ZBTB44: variants seen among roughly 807,000 people sequenced by gnomAD.
ZBTB44 encodes zinc finger and BTB domain-containing protein 44.
Under a neutral mutation model 54.0 loss-of-function variants are expected in ZBTB44, and 15 were observed. The ratio of observed to expected loss-of-function variants is 0.28; its 90% CI spans 0.19 to 0.43. ZBTB44 has a LOEUF of 0.43. Among genes scored for constraint, ZBTB44 ranks in the 20% least tolerant of loss-of-function variants. ZBTB44 has a pLI of 1.00. For missense variants in ZBTB44, 487 were observed against 707.1 expected (o/e 0.69, Z 3.53); for synonymous variants, 230 against 250.1 (o/e 0.92, Z 0.76).
chr11:130,301,048 C>A (rs926059907), intron 1 of ZBTB44, among the ~76,000 whole-genome samples: 3 of 151,180 alleles, frequency 2.0e-5, no homozygotes, highest in Non-Finnish European at 2.9e-5. Flanking sequence ...GGAAAAGACA[C>A]AGAAAAGAGG....
At chr11:130,265,642 C>A (rs1279388493) in intron 1 of ZBTB44, among the ~76,000 whole-genome samples, 1 of 152,202 alleles carries the variant, frequency 6.6e-6, no homozygotes, top group Admixed American at 6.5e-5. Context: ...TACTCCAGTG[C>A]ACACACAAAT....
intron 1 of ZBTB44, among the ~76,000 whole-genome samples, chr11:130,282,893 G>A (rs560767522): frequency 2.6e-5 from 4 of 152,038 alleles, no homozygotes; most frequent in African/African-American, 9.6e-5. Context: ...ACCCACATTG[G>A]TCTCCAATTC....
intron 7 of ZBTB44, 81 bp from the exon 8 acceptor site, chr11:130,231,796 T>A (rs1206015546): frequency 6.6e-6 from 1 of 152,232 alleles, no homozygotes; most frequent in Non-Finnish European, 1.5e-5. Flanking sequence ...GAGATTTATC[T>A]ATTGCTAGGC....
Position 130,283,570 on chromosome 11 carries a change from T to C in ZBTB44, c.-56-21641A>G, listed in dbSNP as rs143001190. On this transcript the variant is annotated intron_variant, in intron 1 of 7. Coordinates refer to ENST00000357899, the MANE Select transcript of ZBTB44 (RefSeq NM_001301098.2). ...CTCAATTTAAATTTATATCAAAAGA[T>C]TTTCATTTTTAATAAACACAATTAT... Among the ~76,000 whole-genome samples the C allele has an allele frequency of 1.1e-4, 17 of 152,340 alleles. No homozygotes were observed. In the East Asian group the frequency reaches 3.3e-3, roughly 29 times the overall value.
chr11:130,256,356 A>G (rs1938445182), intron 2 of ZBTB44, among the ~76,000 whole-genome samples: 1 of 152,172 alleles, frequency 6.6e-6, no homozygotes, highest in Admixed American at 6.5e-5. Context: ...CGATTATCTC[A>G]ATAGACGCAG....
At chr11:130,281,795 C>T (rs1304814444) in intron 1 of ZBTB44, among the ~76,000 whole-genome samples, 1 of 7,968 alleles carries the variant, frequency 1.3e-4, no homozygotes, top group Non-Finnish European at 3.8e-4. Context: ...GGGGTTTCGC[C>T]GGGGTTTCGC....
chr11:130,275,474 T>C (rs1939989380), intron 1 of ZBTB44, among the ~76,000 whole-genome samples: 1 of 152,066 alleles, frequency 6.6e-6, no homozygotes, highest in African/African-American at 2.4e-5. Flanking sequence ...CTACCATGCC[T>C]AACCCACTCT....
At chr11:130,254,031 C>A (rs910263989) in intron 2 of ZBTB44, among the ~76,000 whole-genome samples, 13 of 152,186 alleles carry the variant, frequency 8.5e-5, no homozygotes, top group African/African-American at 3.1e-4. Context: ...AAAGGTGAAA[C>A]TGGATCCCTT....
chr11:130,262,449 C>T (rs1463347065), intron 1 of ZBTB44, among the ~76,000 whole-genome samples: 6 of 152,022 alleles, frequency 3.9e-5, no homozygotes, highest in Non-Finnish European at 7.4e-5. Flanking sequence ...TGTGAACCAG[C>T]GTTTTAATGA....
intron 2 of ZBTB44, among the ~76,000 whole-genome samples, chr11:130,252,419 A>C (rs1050201929): frequency 4.6e-5 from 7 of 152,214 alleles, no homozygotes; most frequent in African/African-American, 7.2e-5. Flanking sequence ...CTCTGGACCA[A>C]GCAGACCTAA....
In ZBTB44 at chr11:130,239,861, T is replaced by C. The variant is rs202062783; in HGVS notation, c.1054A>G (p.Thr352Ala). 15 of 1,612,410 alleles carry C rather than the reference T, an allele frequency of 9.3e-6. No homozygotes were observed. The highest frequency in any genetic ancestry group is 1.7e-4 in the Middle Eastern group (1 of 6,054). ...TTAGTGCTAGACGTGCTTTGAAGTGTAGGCAAGCCCTCAGAAACGCCTTCA... is the reference window on the plus strand; with the variant it reads ...TTAGTGCTAGACGTGCTTTGAAGTGCAGGCAAGCCCTCAGAAACGCCTTCA... ...VDEGVSEGLPTLQSTSSTNAP... is the reference protein window; with the variant it reads ...VDEGVSEGLPALQSTSSTNAP... Residue 352 changes from threonine (T) to alanine (A), a missense_variant, in exon 3 of 8, where the codon ACA (threonine) becomes GCA (alanine). Physicochemically the swap from Thr to Ala is moderately conservative, Grantham distance 58. Transcript: ENST00000357899.
chr11:130,282,779 T>C (rs556180438), intron 1 of ZBTB44, among the ~76,000 whole-genome samples: 1 of 152,312 alleles, frequency 6.6e-6, no homozygotes, highest in Non-Finnish European at 1.5e-5. Flanking sequence ...TTATCACCTG[T>C]ATTTTATTTA....
intron 2 of ZBTB44, among the ~76,000 whole-genome samples, chr11:130,242,716 T>C (rs1189054328): frequency 1.3e-5 from 2 of 151,322 alleles, no homozygotes; most frequent in Non-Finnish European, 2.9e-5. Flanking sequence ...TTGAAGGTAA[T>C]GTCTTTTTAC....
intron 1 of ZBTB44, chr11:130,285,511 C>G (rs1035200709): frequency 2.1e-5 from 4 of 192,682 alleles, no homozygotes; most frequent in African/African-American, 9.3e-5. Flanking sequence ...AGGCTGGTCT[C>G]GAACTCCTGA....
In ZBTB44 at chr11:130,238,593, T is replaced by C. The variant is rs1336721684; in HGVS notation, c.1118A>G (p.Gln373Arg). Residue 373 changes from glutamine (Q) to arginine (R), a missense_variant, in exon 4 of 8, where the codon CAG becomes CGG. Physicochemically the swap from Gln to Arg is conservative, Grantham distance 43. Coordinates refer to ENST00000357899, the MANE Select transcript of ZBTB44 (RefSeq NM_001301098.2). The part of the protein sequence containing the change: ...PDDDDRLENV[Q>R]YPYQLYIAPS... ...AGCAATGTAGAGTTGGTAGGGATAC[T>C]GAACATTTTCCAATCTAAAAAAAAC... 3.7e-6 allele frequency: 6 copies of C among 1,610,536 alleles called. No individual in the cohort carries two copies. The East Asian group carries it at 6.7e-5, about 18-fold the overall frequency.
intron 1 of ZBTB44, among the ~76,000 whole-genome samples, chr11:130,298,143 T>C (rs892577708): frequency 2.7e-5 from 4 of 150,354 alleles, no homozygotes; most frequent in Non-Finnish European, 2.9e-5. Flanking sequence ...ACAATAATAA[T>C]TGATGATTTT....
intron 1 of ZBTB44, among the ~76,000 whole-genome samples, chr11:130,268,985 G>C (rs1939473205): frequency 1.3e-5 from 2 of 150,776 alleles, no homozygotes; most frequent in Admixed American, 1.3e-4. Flanking sequence ...AGTTAGCCAA[G>C]TCTCTTTAAA....
At chr11:130,279,923 C>A (rs1474545752) in intron 1 of ZBTB44, among the ~76,000 whole-genome samples, 2 of 152,162 alleles carry the variant, frequency 1.3e-5, no homozygotes, top group Non-Finnish European at 2.9e-5. Flanking sequence ...CACAAAAAAT[C>A]TCTGAGCCAA....
chr11:130,255,102 A>G (rs1207886985), intron 2 of ZBTB44, among the ~76,000 whole-genome samples: 5 of 151,788 alleles, frequency 3.3e-5, no homozygotes, highest in African/African-American at 1.2e-4. Context: ...AAGGGATAGC[A>G]TTAGGAGATA....
Sources: allele counts gnomAD v4.1 joint callset (sites outside exome capture counted in the v4.1 genomes callset), GRCh38; gene constraint gnomAD v4.1.1; transcripts MANE v1.5; gene names NCBI Gene and HGNC (gene_info 2026-07-23, HGNC 2026-07-21).